KIZ: variants seen among roughly 807,000 people sequenced by gnomAD.
KIZ encodes the protein kizuna centrosomal protein, also known as centrosomal protein kizuna.
KIZ carries 68 observed loss-of-function variants against 79.6 expected under a neutral mutation model. That is an observed-to-expected ratio of 0.85 (90% CI 0.70 to 1.05). The LOEUF (loss-of-function observed/expected upper bound fraction) is 1.05, where lower values mean the gene tolerates loss of function less well. Among genes scored for constraint, KIZ ranks in the 50% least tolerant of loss-of-function variants. KIZ has a pLI of 0.00. For synonymous variants in KIZ, 280 were observed against 281.8 expected (o/e 0.99, Z 0.06); for missense variants, 797 against 800.4 (o/e 1.00, Z 0.05).
At chr20:21,207,322 A>G (rs6113163) in intron 7 of KIZ, among the ~76,000 whole-genome samples, 63,383 of 151,758 alleles carry the variant, frequency 0.42, 14,900 homozygotes, top group African/African-American at 0.65. Flanking sequence ...TTTTTTTATA[A>G]CATTTCAAAC....
chr20:21,171,178 A>G (rs1371237980), intron 6 of KIZ, among the ~76,000 whole-genome samples: 2 of 152,208 alleles, frequency 1.3e-5, no homozygotes, highest in East Asian at 3.8e-4. Context: ...TTCTCTAATG[A>G]CATATGATGT....
At position 21,214,590 on chromosome 20, in the gene KIZ, T is replaced by C. The variant is rs1251680198; in HGVS notation, c.1502T>C (p.Ile501Thr). 1 of 1,613,460 alleles carries C rather than the reference T, an allele frequency of 6.2e-7. No homozygotes were observed. The highest frequency in any genetic ancestry group is 1.1e-5 in the South Asian group (1 of 91,042). The change falls in exon 8 of 13, where the codon ATT (isoleucine) becomes ACT (threonine). Residue 501 changes from isoleucine to threonine, a missense_variant. Coordinates refer to ENST00000619189, the MANE Select transcript of KIZ (RefSeq NM_018474.6). ...GAAGAGTGTGGCCGTAGGTCAGCTA[T>C]TCACAGTAGTGAATCATCTTGCAGC... Reference protein sequence around the residue: ...LTEECGRRSAIHSSESSCSLP... With the variant: ...LTEECGRRSATHSSESSCSLP...
intron 9 of KIZ, 27 bp downstream of exon 9, chr20:21,215,675 C>T: frequency 6.7e-7 from 1 of 1,496,086 alleles, no homozygotes; most frequent in Non-Finnish European, 9.3e-7. Context: ...CTAAGAGTTT[C>T]AGACACAAGA....
At chr20:21,154,955 C>T (rs143437371) in intron 4 of KIZ, among the ~76,000 whole-genome samples, 2 of 152,318 alleles carry the variant, frequency 1.3e-5, no homozygotes, top group Admixed American at 6.5e-5. Context: ...CAGTATTTTA[C>T]GTTGCAAGTG....
intron 4 of KIZ, among the ~76,000 whole-genome samples, chr20:21,159,438 T>C (rs2033551148): frequency 6.6e-6 from 1 of 152,182 alleles, no homozygotes; most frequent in South Asian, 2.1e-4. Flanking sequence ...TAGCATACTT[T>C]CATTCCTGAA....
At chr20:21,149,701 G>C (rs971938832) in intron 4 of KIZ, among the ~76,000 whole-genome samples, 14 of 152,352 alleles carry the variant, frequency 9.2e-5, no homozygotes, top group Admixed American at 4.6e-4. Flanking sequence ...GTGTTCCCAG[G>C]ATCTGAGCAC....
At chr20:21,209,446 G>A (rs370576521) in intron 7 of KIZ, among the ~76,000 whole-genome samples, 21 of 152,208 alleles carry the variant, frequency 1.4e-4, no homozygotes, top group East Asian at 7.7e-4. Context: ...AGAGTAGATC[G>A]GGGTCCTGCC....
intron 6 of KIZ, among the ~76,000 whole-genome samples, chr20:21,172,900 G>C (rs1288466777): frequency 6.6e-6 from 1 of 152,198 alleles, no homozygotes; most frequent in Non-Finnish European, 1.5e-5. Context: ...TCTTGAGAAA[G>C]AGCATGCTAG....
At chr20:21,199,628 C>T (rs542709070) in intron 6 of KIZ, among the ~76,000 whole-genome samples, 78 of 152,298 alleles carry the variant, frequency 5.1e-4, no homozygotes, top group African/African-American at 1.8e-3. Flanking sequence ...CGCTGCCCTC[C>T]TTGCTCTAGC....
intron 1 of KIZ, chr20:21,131,857 T>G (rs2031865666): frequency 5.8e-6 from 2 of 345,554 alleles, no homozygotes; most frequent in South Asian, 9.5e-5. Context: ...TTCGTTTTGT[T>G]TTTTAGATTT....
intron 6 of KIZ, among the ~76,000 whole-genome samples, chr20:21,182,402 A>T (rs2034691420): frequency 1.3e-5 from 2 of 152,196 alleles, no homozygotes; most frequent in Non-Finnish European, 2.9e-5. Flanking sequence ...TTCCCCTTGC[A>T]TCTTGTTGAC....
rs561964422 is a variant in KIZ, at chr20:21,238,876, C to T, written c.1881-5369C>T. Among the ~76,000 whole-genome samples, 20 of 152,296 alleles carry T rather than the reference C, an allele frequency of 1.3e-4. No individual in the cohort carries two copies. In the South Asian group the frequency reaches 3.3e-3, roughly 25 times the overall value. On this transcript the variant is annotated intron_variant, in intron 11 of 12. Coordinates refer to ENST00000619189, the MANE Select transcript of KIZ (RefSeq NM_018474.6). ...CCTGTCTCTTCCCATTTCAAGGGCACCCACTCATCAGGTTCCTCGAGGAAG... is the reference window on the plus strand; with the variant it reads ...CCTGTCTCTTCCCATTTCAAGGGCATCCACTCATCAGGTTCCTCGAGGAAG...
Position 21,246,260 on chromosome 20 carries a change from T to C in KIZ, c.1925-219T>C. 1.3e-5 allele frequency: 7 copies of C among 530,468 alleles called. No homozygotes were observed. The South Asian group carries it at 1.9e-4, about 14-fold the overall frequency. 32.9% of individuals were successfully genotyped at this position (530,468 alleles called of 1,614,324 possible). A position where few individuals can be genotyped will look rare whatever the true frequency, so the allele number is the denominator to read the frequency against. ...AAGGGAAAAGGAAGTATTCTGCAAA[T>C]TGTTTTCCATAACAGTGCAGAGGAC... On this transcript the variant is annotated intron_variant, in intron 12 of 12. Transcript: ENST00000619189.
intron 6 of KIZ, among the ~76,000 whole-genome samples, chr20:21,190,975 G>A (rs1167705055): frequency 6.6e-6 from 1 of 152,132 alleles, no homozygotes; most frequent in Non-Finnish European, 1.5e-5. Flanking sequence ...GGAGGAGGAG[G>A]GAGGTGGACA....
chr20:21,163,678 G>C (rs992258114), intron 6 of KIZ, among the ~76,000 whole-genome samples: 3 of 152,126 alleles, frequency 2.0e-5, no homozygotes, highest in Non-Finnish European at 4.4e-5. Flanking sequence ...ATGTAAGCCA[G>C]ATTTCCTTTT....
At chr20:21,148,417 A>G (rs566851958) in intron 4 of KIZ, among the ~76,000 whole-genome samples, 1 of 152,134 alleles carries the variant, frequency 6.6e-6, no homozygotes, top group South Asian at 2.1e-4. Flanking sequence ...AGAATCATAC[A>G]TTCGCTTAGA....
intron 6 of KIZ, among the ~76,000 whole-genome samples, chr20:21,170,412 G>A (rs1453462057): frequency 2.1e-5 from 3 of 142,406 alleles, no homozygotes; most frequent in South Asian, 2.2e-4. Context: ...TTTTTGAGAC[G>A]GAGTCTCTCT....
chr20:21,246,409 G>A, intron 12 of KIZ, 70 bp from the exon 13 acceptor site: 1 of 898,594 alleles, frequency 1.1e-6, no homozygotes, highest in Non-Finnish European at 1.8e-6. Context: ...GTCCTTCCGT[G>A]CTGTGCTGTT....
chr20:21,172,807 C>T (rs2034269223), intron 6 of KIZ, among the ~76,000 whole-genome samples: 1 of 152,118 alleles, frequency 6.6e-6, no homozygotes, highest in African/African-American at 2.4e-5. Context: ...TCTTTGTCAT[C>T]TTTTAGACTG....
Sources: allele counts gnomAD v4.1 joint callset (sites outside exome capture counted in the v4.1 genomes callset), GRCh38; gene constraint gnomAD v4.1.1; transcripts MANE v1.5; gene names NCBI Gene and HGNC (gene_info 2026-07-23, HGNC 2026-07-21).